The following DNAJC5B variants were observed in gnomAD, a reference collection of about 807,000 sequenced individuals.
The protein encoded by DNAJC5B is dnaJ homolog subfamily C member 5B.
In DNAJC5B, 23 loss-of-function variants were observed where a neutral mutation model predicts 24.7. The observed-to-expected ratio is 0.93, with a 90% CI of 0.67 to 1.32. The LOEUF (loss-of-function observed/expected upper bound fraction) is 1.32. DNAJC5B is among the 40% of genes most tolerant of loss of function. The pLI is 0.00. For missense variants in DNAJC5B, 238 were observed against 240.8 expected (o/e 0.99, Z 0.08); for synonymous variants, 101 against 90.1 (o/e 1.12, Z -0.68).
chr8:66,090,497 AT>A (rs1323938440), intron 5 of DNAJC5B, among the ~76,000 whole-genome samples: 1 of 152,070 alleles, frequency 6.6e-6, no homozygotes, highest in African/African-American at 2.4e-5. Context: ...GATTTCCCCA[AT>A]TTTTTTTAAA....
chr8:66,030,516 G>A (rs1466984986), intron 1 of DNAJC5B, among the ~76,000 whole-genome samples: 1 of 152,310 alleles, frequency 6.6e-6, no homozygotes, highest in Non-Finnish European at 1.5e-5. Flanking sequence ...TGGACTTGCT[G>A]TGTCCTTCCC....
intron 5 of DNAJC5B, among the ~76,000 whole-genome samples, chr8:66,086,271 T>C (rs80218374): frequency 0.049 from 7,520 of 152,302 alleles, 226 homozygotes; most frequent in Middle Eastern, 0.085. Flanking sequence ...TCTGTATTCC[T>C]TTTGTTTCTT....
upstream of DNAJC5B, among the ~76,000 whole-genome samples, chr8:66,017,084 A>G (rs1380431705): frequency 6.6e-6 from 1 of 152,100 alleles, no homozygotes; most frequent in Non-Finnish European, 1.5e-5. Flanking sequence ...AAGGGCAGGC[A>G]TTGGTCTTAT....
upstream of DNAJC5B, among the ~76,000 whole-genome samples, chr8:66,016,900 T>A (rs910505929): frequency 2.0e-5 from 3 of 152,208 alleles, no homozygotes; most frequent in Non-Finnish European, 4.4e-5. Flanking sequence ...GTCTTCACAG[T>A]GTGTCTCATG....
At chr8:66,089,994 A>G (rs1482564455) in intron 5 of DNAJC5B, among the ~76,000 whole-genome samples, 1 of 152,198 alleles carries the variant, frequency 6.6e-6, no homozygotes, top group African/African-American at 2.4e-5. Flanking sequence ...GTCTTTGAAA[A>G]TTTGAAACCT....
the DNAJC5B span, among the ~76,000 whole-genome samples, chr8:66,016,267 T>C: frequency 6.1e-4 from 93 of 152,332 alleles, no homozygotes; most frequent in African/African-American, 2.1e-3. Context: ...TCATCTTGAA[T>C]TGTAATCCCC....
chr8:66,076,957 T>C, intron 4 of DNAJC5B, 84 bp downstream of exon 4: 1 of 1,429,220 alleles, frequency 7.0e-7, no homozygotes, highest in Admixed American at 1.8e-5. Flanking sequence ...AAAGGAAGTC[T>C]AACCTTCCTG....
chr8:66,089,110 T>C (rs1003400610), intron 5 of DNAJC5B, among the ~76,000 whole-genome samples: 12 of 152,178 alleles, frequency 7.9e-5, no homozygotes, highest in Admixed American at 3.9e-4. Flanking sequence ...CAGTTCTGCA[T>C]GGCTGGGGAG....
intron 5 of DNAJC5B, among the ~76,000 whole-genome samples, chr8:66,087,778 G>T (rs966978421): frequency 6.6e-6 from 1 of 152,206 alleles, no homozygotes; most frequent in African/African-American, 2.4e-5. Context: ...GCATGTTGAT[G>T]CAAGAGGTGG....
intron 1 of DNAJC5B, among the ~76,000 whole-genome samples, chr8:66,038,663 T>C (rs991730932): frequency 3.3e-5 from 5 of 152,190 alleles, no homozygotes; most frequent in Non-Finnish European, 5.9e-5. Context: ...GGGAATACCA[T>C]CCTTGTTTTT....
Position 66,080,330 on chromosome 8 carries a change from A to G in DNAJC5B, c.334-47A>G, listed in dbSNP as rs373118799. On this transcript the variant is annotated intron_variant, in intron 4 of 5. Coordinates refer to ENST00000276570, the MANE Select transcript of DNAJC5B (RefSeq NM_033105.6). The stretch of plus-strand genomic sequence containing the variant: ...ACTTGATTTCATGGGTTCTCCCCTC[A>G]CCCCATCACCCCTCATCCTCATTTT... 43 of 1,583,938 alleles carry G rather than the reference A, an allele frequency of 2.7e-5. No individual in the cohort carries two copies. In the African/African-American group the frequency reaches 2.8e-4, roughly 10 times the overall value.
At chr8:66,088,023 A>G (rs1328119189) in intron 5 of DNAJC5B, among the ~76,000 whole-genome samples, 1 of 152,174 alleles carries the variant, frequency 6.6e-6, no homozygotes, top group Non-Finnish European at 1.5e-5. Context: ...TCCCTTCTGC[A>G]TTGCCCCAGC....
chr8:66,053,692 C>T (rs1280347623), intron 3 of DNAJC5B, among the ~76,000 whole-genome samples: 3 of 150,852 alleles, frequency 2.0e-5, no homozygotes, highest in Admixed American at 6.6e-5. Flanking sequence ...TGCAATGGCG[C>T]GATCTCGGCT....
chr8:66,058,809 GA>G (rs768225884), intron 3 of DNAJC5B, among the ~76,000 whole-genome samples: 1 of 152,308 alleles, frequency 6.6e-6, no homozygotes, highest in African/African-American at 2.4e-5. Flanking sequence ...TGACAGCTGG[GA>G]AAGGTGACAA....
intron 3 of DNAJC5B, among the ~76,000 whole-genome samples, chr8:66,063,608 A>G (rs1370558673): frequency 6.6e-6 from 1 of 152,270 alleles, no homozygotes; most frequent in African/African-American, 2.4e-5. Flanking sequence ...GTCCCTCGTC[A>G]AGTCTTTCAC....
chr8:66,020,797 C>T (rs961658930), upstream of DNAJC5B, among the ~76,000 whole-genome samples: 3 of 152,036 alleles, frequency 2.0e-5, no homozygotes, highest in Admixed American at 6.6e-5. Flanking sequence ...ACAACTACGC[C>T]CAGCTAATTT....
intron 1 of DNAJC5B, among the ~76,000 whole-genome samples, chr8:66,022,913 A>G (rs1024690348): frequency 6.6e-6 from 1 of 152,224 alleles, no homozygotes; most frequent in Non-Finnish European, 1.5e-5. Flanking sequence ...TCCTTCATTG[A>G]TAGCCATTGA....
Position 66,076,853 on chromosome 8 carries a change from CT to C in DNAJC5B, c.314del (p.Leu105ArgfsTer16), listed in dbSNP as rs1345955443. 1.2e-6 allele frequency: 2 copies of C among 1,614,112 alleles called. No homozygotes were observed. The highest frequency in any genetic ancestry group is 1.7e-6 in the Non-Finnish European group (2 of 1,179,980). The part of the protein sequence containing the change: ...GDENVNTYFM[L>X]SSWWAKALFV... ...CGAAAACGTTAACACCTACTTCATG[CT>C]GTCGAGCTGGTGGGCAAAGGTGAAA... On this transcript the variant is annotated frameshift_variant, in exon 4 of 6. Coordinates refer to ENST00000276570, the MANE Select transcript of DNAJC5B (RefSeq NM_033105.6). LOFTEE classifies it high-confidence loss of function.
Position 66,069,490 on chromosome 8 carries a change from C to T in DNAJC5B, c.120-7170C>T, listed in dbSNP as rs138932423. On this transcript the variant is annotated intron_variant, in intron 3 of 5. Coordinates refer to ENST00000276570, the MANE Select transcript of DNAJC5B (RefSeq NM_033105.6). ...CTTCATAATGATAAAAATTTGACAC[C>T]CTCCAAAGTCTAAACCAGGAAGAAG... Among the ~76,000 whole-genome samples, 1,383 of 152,006 alleles carry T rather than the reference C, an allele frequency of 9.1e-3. 21 individuals are homozygous for T. Among genetic ancestry groups the T allele is most frequent in the African/African-American group, 0.032 (1,312 of 41,468 alleles).
Sources: allele counts gnomAD v4.1 joint callset (sites outside exome capture counted in the v4.1 genomes callset), GRCh38; gene constraint gnomAD v4.1.1; transcripts MANE v1.5; gene names NCBI Gene and HGNC (gene_info 2026-07-23, HGNC 2026-07-21).